Variants in OR56A3 observed in about 807,000 individuals in gnomAD.
OR56A3 encodes the protein olfactory receptor family 56 subfamily A member 3.
Under a neutral mutation model 17.5 loss-of-function variants are expected in OR56A3, and 23 were observed. The ratio of observed to expected loss-of-function variants is 1.32; its 90% CI spans 0.95 to 1.87. The LOEUF is 1.87. Among genes scored for constraint, OR56A3 ranks in the 40% most tolerant of loss-of-function variants. OR56A3 has a pLI of 0.00. For synonymous variants in OR56A3, 175 were observed against 150.6 expected, an observed-to-expected ratio of 1.16 and a Z score of -1.19; for missense variants, 366 against 380.1, an observed-to-expected ratio of 0.96 and a Z score of 0.31.
chr11:5,971,366 C>T, the OR56A3 span, among the ~76,000 whole-genome samples: 3 of 152,186 alleles, frequency 2.0e-5, no homozygotes, highest in Admixed American at 1.3e-4. Flanking sequence ...AGTCCACTGT[C>T]GCTGAAAGAT....
At chr11:5,998,321 C>T in the OR56A3 span, among the ~76,000 whole-genome samples, 1 of 152,156 alleles carries the variant, frequency 6.6e-6, no homozygotes, top group East Asian at 1.9e-4. Context: ...ACCCTACCAC[C>T]TCTTCCTAGA....
At chr11:5,985,776 C>A in the OR56A3 span, 1 of 633,508 alleles carries the variant, frequency 1.6e-6, no homozygotes, top group African/African-American at 1.8e-5. Flanking sequence ...AGGTACATCC[C>A]AATAAGCCAA....
chr11:5,986,853 G>A, the OR56A3 span: 2 of 1,613,740 alleles, frequency 1.2e-6, no homozygotes, highest in Non-Finnish European at 1.7e-6. Flanking sequence ...AAGAAGGCTG[G>A]GATAGCCTCC....
At chr11:5,987,037 C>G in the OR56A3 span, 1 of 1,047,246 alleles carries the variant, frequency 9.5e-7, no homozygotes, top group Non-Finnish European at 1.4e-6. Flanking sequence ...AAGTTAGCTA[C>G]AGGGAAGAAA....
the OR56A3 span, among the ~76,000 whole-genome samples, chr11:5,993,077 G>C: frequency 6.6e-6 from 1 of 152,178 alleles, no homozygotes; most frequent in African/African-American, 2.4e-5. Flanking sequence ...AAAAGTGAAG[G>C]GAGGTGTGGG....
the OR56A3 span, among the ~76,000 whole-genome samples, chr11:5,957,227 T>C: frequency 6.6e-6 from 1 of 152,202 alleles, no homozygotes; most frequent in East Asian, 1.9e-4. Flanking sequence ...CTTAAAACTT[T>C]ATGCACTGGA....
chr11:5,968,202 G>A, the OR56A3 span: 2 of 1,614,222 alleles, frequency 1.2e-6, no homozygotes, highest in Non-Finnish European at 1.7e-6. Flanking sequence ...GAAGCAGGCA[G>A]GGAAGCTGAT....
the OR56A3 span, among the ~76,000 whole-genome samples, chr11:5,972,820 G>C: frequency 6.6e-6 from 1 of 152,092 alleles, no homozygotes; most frequent in Admixed American, 6.5e-5. Flanking sequence ...GTAGAGACAG[G>C]GTTTCACGTC....
chr11:6,018,896 C>G, the OR56A3 span, among the ~76,000 whole-genome samples: 6 of 151,874 alleles, frequency 4.0e-5, no homozygotes, highest in Admixed American at 3.9e-4. Flanking sequence ...CTATTGGGAA[C>G]TATATACTAA....
the OR56A3 span, among the ~76,000 whole-genome samples, chr11:5,996,838 C>T: frequency 1.4e-4 from 21 of 152,200 alleles, no homozygotes; most frequent in African/African-American, 4.3e-4. Context: ...TAAAAATTAA[C>T]CCCATGCCCA....
At chr11:6,010,817 ATG>A in the OR56A3 span, among the ~76,000 whole-genome samples, 4,018 of 149,796 alleles carry the variant, frequency 0.027, 69 homozygotes, top group Non-Finnish European at 0.032. Context: ...CAAGACAGAA[ATG>A]TGTGTGTGTG....
At chr11:5,969,311 A>T in the OR56A3 span, among the ~76,000 whole-genome samples, 1 of 152,228 alleles carries the variant, frequency 6.6e-6, no homozygotes. Context: ...ATCTGCTTCA[A>T]GCAATTTTCC....
At chr11:5,955,628 T>TG (rs922241905), downstream of OR56A3, among the ~76,000 whole-genome samples, 2 of 152,138 alleles carry the variant, frequency 1.3e-5, no homozygotes, top group African/African-American at 2.4e-5. Context: ...GGCATGCTTC[T>TG]GGGGGGTTAC....
downstream of OR56A3, among the ~76,000 whole-genome samples, chr11:5,954,615 T>C (rs1017193974): frequency 3.9e-5 from 6 of 152,218 alleles, no homozygotes; most frequent in African/African-American, 7.2e-5. Flanking sequence ...CTGGCAATAT[T>C]AATATTTTTG....
the OR56A3 span, among the ~76,000 whole-genome samples, chr11:5,979,415 G>A: frequency 0.024 from 3,613 of 151,960 alleles, 63 homozygotes; most frequent in Non-Finnish European, 0.036. Flanking sequence ...ACTGGTCTGT[G>A]CAGGGTTTCA....
chr11:5,945,846 A>C (rs1252410263), intron 2 of OR56A3, among the ~76,000 whole-genome samples: 1 of 152,244 alleles, frequency 6.6e-6, no homozygotes, highest in African/African-American at 2.4e-5. Flanking sequence ...AAATAACCAT[A>C]TAATTTTGTT....
chr11:5,957,225 T>C, the OR56A3 span, among the ~76,000 whole-genome samples: 1 of 152,172 alleles, frequency 6.6e-6, no homozygotes, highest in African/African-American at 2.4e-5. Flanking sequence ...ATCTTAAAAC[T>C]TTATGCACTG....
At chr11:5,954,200 A>G (rs1847922054), downstream of OR56A3, among the ~76,000 whole-genome samples, 1 of 152,116 alleles carries the variant, frequency 6.6e-6, no homozygotes, top group African/African-American at 2.4e-5. Flanking sequence ...CAACTAAAAG[A>G]CTTGTTTATG....
chr11:5,953,212 T>G (rs1220952682), downstream of OR56A3, among the ~76,000 whole-genome samples: 1 of 152,214 alleles, frequency 6.6e-6, no homozygotes, highest in Non-Finnish European at 1.5e-5. Flanking sequence ...TTTTAAGCTC[T>G]TTAAGAAATC....
Sources: gnomAD v4.1 joint callset for allele counts (sites outside exome capture counted in the v4.1 genomes callset) on GRCh38, gnomAD v4.1.1 for gene constraint, MANE v1.5 for transcripts, NCBI Gene and HGNC (gene_info 2026-07-23, HGNC 2026-07-21) for gene names.